The following RBM34 variants were observed in gnomAD, a reference collection of about 807,000 sequenced individuals.
RBM34 encodes the protein RNA binding motif protein 34.
Under a neutral mutation model 44.6 loss-of-function variants are expected in RBM34, and 39 were observed. That is an observed-to-expected ratio of 0.87 (90% CI 0.68 to 1.14). RBM34 has a LOEUF of 1.14. Among genes scored for constraint, RBM34 ranks in the 50% most tolerant of loss-of-function variants. RBM34 has a pLI of 0.00. For missense variants in RBM34, 572 were observed against 517.9 expected (o/e 1.10, Z -1.01); for synonymous variants, 194 against 184.0 (o/e 1.05, Z -0.44).
chr1:235,143,099 C>G (rs1298259440), intron 6 of RBM34, among the ~76,000 whole-genome samples: 1 of 151,998 alleles, frequency 6.6e-6, no homozygotes, highest in Non-Finnish European at 1.5e-5. Flanking sequence ...AATTTTTGTA[C>G]CAACATTTCA....
intron 3 of RBM34, among the ~76,000 whole-genome samples, chr1:235,158,295 T>C (rs1480227016): frequency 1.3e-5 from 2 of 151,632 alleles, no homozygotes; most frequent in Admixed American, 1.3e-4. Context: ...TGGGCGCCTG[T>C]AATCCCAGCT....
At chr1:235,133,888 G>C (rs960909403) in intron 10 of RBM34, among the ~76,000 whole-genome samples, 2 of 151,920 alleles carry the variant, frequency 1.3e-5, no homozygotes, top group African/African-American at 4.8e-5. Context: ...TTTGAGATAG[G>C]GTCTCACTCT....
chr1:235,153,953 G>C (rs999428218), intron 4 of RBM34, among the ~76,000 whole-genome samples: 4 of 152,070 alleles, frequency 2.6e-5, no homozygotes, highest in African/African-American at 9.7e-5. Context: ...CAGGTGTCAA[G>C]AGACAGAACG....
chr1:235,133,231 C>T lies in RBM34; in HGVS notation c.1009-1234G>A, dbSNP rs530020697. ...TGGCACACACCTGTAGTCCTAGCTA[C>T]TCAGGAAGCTGAGATGGGAGGATCG... On this transcript the variant is annotated intron_variant, in intron 10 of 10. Coordinates refer to ENST00000408888, the MANE Select transcript of RBM34 (RefSeq NM_015014.4). Among the ~76,000 whole-genome samples, 199 of 152,290 alleles carry T rather than the reference C, an allele frequency of 1.3e-3. No homozygotes were observed. In the Middle Eastern group the frequency reaches 0.014, roughly 10 times the overall value.
In RBM34 at chr1:235,151,865, C is replaced by T. The variant is rs138269784; in HGVS notation, c.657+841G>A. On this transcript the variant is annotated intron_variant, in intron 5 of 10. Coordinates refer to ENST00000408888, the MANE Select transcript of RBM34 (RefSeq NM_015014.4). ...CTGGATAACATGGTGAAACCCTGTC[C>T]GGACTAAAAATACAAAAATTAGCCG... 2.0e-4 allele frequency among the ~76,000 whole-genome samples: 31 copies of T among 151,724 alleles called. 1 individual carries two copies. Among genetic ancestry groups the T allele is most frequent in the African/African-American group, 6.0e-4 (25 of 41,352 alleles).
intron 5 of RBM34, among the ~76,000 whole-genome samples, chr1:235,152,014 GAC>G (rs975562590): frequency 2.1e-5 from 3 of 145,448 alleles, no homozygotes; most frequent in Non-Finnish European, 3.0e-5. Context: ...GCCTGGGTGA[GAC>G]ACAGCGAGAC....
At chr1:235,144,622 C>CT (rs1661828696) in intron 6 of RBM34, among the ~76,000 whole-genome samples, 1 of 152,128 alleles carries the variant, frequency 6.6e-6, no homozygotes, top group African/African-American at 2.4e-5. Flanking sequence ...TGGTGTGCAC[C>CT]TGTAGTTCCA....
intron 10 of RBM34, among the ~76,000 whole-genome samples, chr1:235,132,209 A>T (rs772539828): frequency 2.4e-4 from 36 of 152,088 alleles, no homozygotes; most frequent in African/African-American, 8.2e-4. Context: ...CTGCCTTGTG[A>T]AATGTTCAGC....
intron 6 of RBM34, 72 bp from the exon 7 acceptor site, chr1:235,138,246 A>G (rs1296964036): frequency 1.6e-5 from 20 of 1,257,382 alleles, no homozygotes; most frequent in African/African-American, 4.6e-5. Context: ...AAGTCACTAG[A>G]AAAAAATCTA....
chr1:235,153,425 C>CTT (rs1189611806), intron 4 of RBM34, among the ~76,000 whole-genome samples: 22 of 142,816 alleles, frequency 1.5e-4, no homozygotes, highest in Non-Finnish European at 2.0e-4. Context: ...CAGGAATAAA[C>CTT]TTTTTTTTTT....
chr1:235,132,206 G>T (rs1356995670), intron 10 of RBM34, among the ~76,000 whole-genome samples: 1 of 151,518 alleles, frequency 6.6e-6, no homozygotes, highest in Non-Finnish European at 1.5e-5. Flanking sequence ...AAGCTGCCTT[G>T]TGAAATGTTC....
In RBM34 at chr1:235,160,265, A is replaced by G. The variant is rs1190569259; in HGVS notation, c.365+246T>C. The stretch of plus-strand genomic sequence containing the variant: ...AGACTCCATCTCAAAACAAACAAAA[A>G]CAAATAATGAGGGGGTATATGAGTG... On this transcript the variant is annotated intron_variant, in intron 3 of 10. Transcript: ENST00000408888. 6.4e-6 allele frequency: 4 copies of G among 628,138 alleles called. No homozygotes were observed. The Admixed American group carries it at 8.4e-5, about 13-fold the overall frequency. 38.9% of individuals were successfully genotyped at this position (628,138 alleles called of 1,614,324 possible). A position where few individuals can be genotyped will look rare whatever the true frequency, so the allele number is the denominator to read the frequency against.
intron 6 of RBM34, among the ~76,000 whole-genome samples, chr1:235,146,222 A>G (rs935659118): frequency 1.3e-5 from 2 of 152,132 alleles, no homozygotes; most frequent in Admixed American, 6.6e-5. Flanking sequence ...CTGAGATTAC[A>G]GGCGTGAGCC....
At chr1:235,149,585 A>G (rs928968709) in intron 5 of RBM34, among the ~76,000 whole-genome samples, 1 of 152,156 alleles carries the variant, frequency 6.6e-6, no homozygotes, top group African/African-American at 2.4e-5. Flanking sequence ...CAGGTAAGGG[A>G]ATCCCCTTTA....
At chr1:235,134,553 A>G (rs1661335692) in intron 10 of RBM34, among the ~76,000 whole-genome samples, 1 of 152,190 alleles carries the variant, frequency 6.6e-6, no homozygotes, top group Admixed American at 6.5e-5. Flanking sequence ...AAAGAATAAA[A>G]CTTTCTTATA....
intron 6 of RBM34, among the ~76,000 whole-genome samples, chr1:235,140,293 C>T (rs527592996): frequency 4.1e-4 from 62 of 152,300 alleles, no homozygotes; most frequent in Non-Finnish European, 8.1e-4. Context: ...GAGGGAGAGG[C>T]GCGAGTGGGA....
intron 8 of RBM34, among the ~76,000 whole-genome samples, chr1:235,137,334 T>G (rs539094380): frequency 6.6e-6 from 1 of 152,350 alleles, no homozygotes; most frequent in East Asian, 1.9e-4. Flanking sequence ...TGATGTCTAA[T>G]GTACCTTCTG....
chr1:235,132,382 C>A (rs1167711812), intron 10 of RBM34, among the ~76,000 whole-genome samples: 1 of 152,134 alleles, frequency 6.6e-6, no homozygotes, highest in Non-Finnish European at 1.5e-5. Flanking sequence ...GATCTCGGCT[C>A]ACTGTGACCT....
At chr1:235,148,244 A>G (rs944523528) in intron 6 of RBM34, among the ~76,000 whole-genome samples, 160 bp downstream of exon 6, 1 of 152,236 alleles carries the variant, frequency 6.6e-6, no homozygotes, top group Non-Finnish European at 1.5e-5. Context: ...GAAAAACGTG[A>G]CAAATCTAAA....
Sources: allele counts gnomAD v4.1 joint callset (sites outside exome capture counted in the v4.1 genomes callset), GRCh38; gene constraint gnomAD v4.1.1; transcripts MANE v1.5; gene names NCBI Gene and HGNC (gene_info 2026-07-23, HGNC 2026-07-21).